The following CDKL5 variants were observed in gnomAD, a reference collection of about 807,000 sequenced individuals.
CDKL5 encodes the protein cyclin-dependent kinase-like 5.
In CDKL5, 8 loss-of-function variants were observed where a neutral mutation model predicts 61.7. The ratio of observed to expected loss-of-function variants is 0.13; its 90% CI spans 0.08 to 0.23. The LOEUF (loss-of-function observed/expected upper bound fraction) is 0.23. Ranked by LOEUF, CDKL5 falls within the 10% of genes least tolerant of loss-of-function variation. CDKL5 has a pLI of 1.00. For missense variants in CDKL5, 440 were observed against 734.5 expected, an observed-to-expected ratio of 0.60 and a Z score of 4.63; for synonymous variants, 275 against 272.3, an observed-to-expected ratio of 1.01 and a Z score of -0.10.
chrX:18,528,635 T>G (rs1185079988), intron 3 of CDKL5, among the ~76,000 whole-genome samples: 1 of 109,987 alleles, frequency 9.1e-6, no homozygotes, highest in Non-Finnish European at 1.9e-5. Context: ...GCTTTCTATT[T>G]ATTTATTAAT....
intron 1 of CDKL5, among the ~76,000 whole-genome samples, chrX:18,482,631 A>G (rs1921626644): frequency 9.2e-6 from 1 of 109,101 alleles, no homozygotes; most frequent in African/African-American, 3.3e-5. Flanking sequence ...TCAAACAAAT[A>G]CCTTAGCAAT....
chrX:18,623,529 C>T (rs1024788002), intron 16 of CDKL5, among the ~76,000 whole-genome samples: 4 of 111,890 alleles, frequency 3.6e-5, no homozygotes, highest in Non-Finnish European at 7.5e-5. Context: ...ATCAGTAGCT[C>T]TTTAACACAG....
At chrX:18,481,954 T>A (rs1921597511) in intron 1 of CDKL5, among the ~76,000 whole-genome samples, 2 of 110,249 alleles carry the variant, frequency 1.8e-5, no homozygotes, top group Non-Finnish European at 3.8e-5. Context: ...GGAGAAACTT[T>A]CGTCTTGGCT....
At chrX:18,518,217 A>G (rs1056699049) in intron 3 of CDKL5, among the ~76,000 whole-genome samples, 4 of 108,084 alleles carry the variant, frequency 3.7e-5, no homozygotes, top group Non-Finnish European at 1.9e-5. Flanking sequence ...GCATGACATC[A>G]TAAAGTAAAA....
intron 3 of CDKL5, among the ~76,000 whole-genome samples, chrX:18,544,996 G>C (rs758401136): frequency 9.0e-6 from 1 of 111,496 alleles, no homozygotes; most frequent in South Asian, 3.8e-4. Flanking sequence ...GGGAGGCCAA[G>C]GCGGGAGGAT....
chrX:18,430,262 G>A (rs1275559372), intron 1 of CDKL5, among the ~76,000 whole-genome samples: 2 of 112,125 alleles, frequency 1.8e-5, no homozygotes, highest in Non-Finnish European at 3.8e-5. Context: ...ACTTTTGATG[G>A]ACTTTGATTA....
At position 18,564,541 on chromosome X, in the gene CDKL5, A is replaced by G. The variant is rs1320212316; in HGVS notation, c.145+19A>G. The G allele has an allele frequency of 6.3e-6, 4 of 631,298 alleles. No individual in the cohort carries two copies. Among genetic ancestry groups the G allele is most frequent in the Non-Finnish European group, 6.7e-6 (3 of 448,749 alleles). 52.0% of individuals were successfully genotyped at this position (631,298 alleles called of 1,213,427 possible). A position where few individuals can be genotyped will look rare whatever the true frequency, so the allele number is the denominator to read the frequency against. On this transcript the variant is annotated intron_variant, in intron 4 of 17. Transcript: ENST00000623535. ...AGTGAAGGTAGATATATATATATAT[A>G]TATATATATCTGTATATATGTATTT...
chrX:18,598,424 T>C, intron 10 of CDKL5, 38 bp from the exon 11 acceptor site: 1 of 1,144,947 alleles, frequency 8.7e-7, no homozygotes, highest in South Asian at 1.8e-5. Flanking sequence ...AATTTGACTT[T>C]GTAATGTTCT....
chrX:18,579,701 G>C, intron 5 of CDKL5, 147 bp from the exon 6 acceptor site: 1 of 536,040 alleles, frequency 1.9e-6, no homozygotes, highest in Non-Finnish European at 3.1e-6. Context: ...TGCTGATTCA[G>C]CATGAGAAAG....
At chrX:18,552,092 G>A (rs1924415687) in intron 3 of CDKL5, among the ~76,000 whole-genome samples, 1 of 109,594 alleles carries the variant, frequency 9.1e-6, no homozygotes, top group Admixed American at 9.7e-5. Flanking sequence ...ACAAAAATTA[G>A]CCGGGCATGG....
downstream of CDKL5, chrX:18,644,391 G>A (rs748127123): frequency 2.6e-6 from 3 of 1,171,405 alleles, no homozygotes; most frequent in East Asian, 3.0e-5. Context: ...AGTCCCAGAG[G>A]GTGCGAGCTG....
intron 3 of CDKL5, among the ~76,000 whole-genome samples, chrX:18,528,823 C>G (rs184829599): frequency 1.8e-5 from 2 of 110,618 alleles, no homozygotes; most frequent in Non-Finnish European, 3.8e-5. Flanking sequence ...TTTGTAGAGA[C>G]AGGGTTTTGC....
At chrX:18,544,899 G>A (rs772678632) in intron 3 of CDKL5, among the ~76,000 whole-genome samples, 76 of 111,427 alleles carry the variant, frequency 6.8e-4, no homozygotes, top group Non-Finnish European at 1.2e-3. Context: ...TTTTTTGTTC[G>A]TTTTTGTAAG....
rs1927368002 is a variant in CDKL5, at chrX:18,635,729, G to A, written c.*6972G>A. 1 of 419,842 alleles carries A rather than the reference G, an allele frequency of 2.4e-6. No homozygotes were observed. Among genetic ancestry groups the A allele is most frequent in the African/African-American group, 2.7e-5 (1 of 37,473 alleles). 34.6% of individuals were successfully genotyped at this position (419,842 alleles called of 1,213,427 possible). ...TGGTAGTTTGAGGAGGATGGGAAGA[G>A]AGGCCAATCTTGTGCTAAGTGCTAT... On this transcript the variant is annotated 3_prime_UTR_variant, in exon 18 of 18. Coordinates refer to ENST00000623535, the MANE Select transcript of CDKL5 (RefSeq NM_001323289.2).
rs62641252 is a variant in CDKL5 at position 18,647,294 on chromosome X, C to T, written c.2797+1204C>T. 4.1e-6 allele frequency: 5 copies of T among 1,208,974 alleles called. No homozygotes were observed. The East Asian group carries it at 1.5e-4, about 36-fold the overall frequency. ...CAGGTGATCTGGTCCGGTGTGACCT[C>T]CCCTGACTCGAAACCCAGAGGCTTG... On this transcript the variant is annotated intron_variant, in intron 20 of 21. Coordinates refer to the CDKL5 transcript ENST00000379989.
rs1341771952 is a variant in CDKL5 at position 18,628,935 on chromosome X, A to C, written c.*178A>C. On this transcript the variant is annotated 3_prime_UTR_variant, in exon 18 of 18. Coordinates refer to ENST00000623535, the MANE Select transcript of CDKL5 (RefSeq NM_001323289.2). ...TGAGCTCCTCGCGGCCACAAATGCT[A>C]GTCAGGGATCTTAGAGCCACAGGAG... 3 of 1,050,062 alleles carry C rather than the reference A, an allele frequency of 2.9e-6. No individual in the cohort carries two copies. The highest frequency in any genetic ancestry group is 3.6e-6 in the Non-Finnish European group (3 of 823,277). The allele number at this position is 1,050,062 out of a possible 1,213,427, so 86.5% of individuals were successfully genotyped here.
intron 3 of CDKL5, among the ~76,000 whole-genome samples, chrX:18,549,015 T>C (rs1406362872): frequency 8.9e-6 from 1 of 112,157 alleles, no homozygotes; most frequent in Non-Finnish European, 1.9e-5. Context: ...TTTATATACA[T>C]GCATGCACAA....
intron 20 of CDKL5, chrX:18,650,266 C>T (rs1482592282): frequency 1.1e-5 from 6 of 549,605 alleles, no homozygotes; most frequent in East Asian, 3.5e-5. Flanking sequence ...TCTAAAGACC[C>T]GTGTGTCCAG....
At chrX:18,434,401 A>G (rs1485475288) in intron 1 of CDKL5, among the ~76,000 whole-genome samples, 1 of 111,291 alleles carries the variant, frequency 9.0e-6, no homozygotes, top group African/African-American at 3.3e-5. Context: ...TTAATGGCAA[A>G]CAGGTTAGAC....
Sources: allele counts gnomAD v4.1 joint callset (sites outside exome capture counted in the v4.1 genomes callset), GRCh38; gene constraint gnomAD v4.1.1; transcripts MANE v1.5; gene names NCBI Gene and HGNC (gene_info 2026-07-23, HGNC 2026-07-21).